CHD9: variants seen among roughly 807,000 people sequenced by gnomAD.
CHD9 encodes the protein ATP-dependent chromatin remodeler CHD9.
CHD9 carries 77 observed loss-of-function variants against 316.1 expected under a neutral mutation model. The observed-to-expected ratio is 0.24, with a 90% CI of 0.20 to 0.29. The LOEUF is 0.29. CHD9 is among the 10% of genes least tolerant of loss of function. The probability of loss-of-function intolerance (pLI) is 1.00; values close to 1 mark genes in which losing one functional copy is unlikely to be tolerated. For missense variants in CHD9, 2,763 were observed against 3,438.1 expected, an observed-to-expected ratio of 0.80 and a Z score of 4.91; for synonymous variants, 1,129 against 1,158.3, an observed-to-expected ratio of 0.97 and a Z score of 0.51.
Position 53,264,967 on chromosome 16 carries a change from G to T in CHD9, c.4320+1870G>T, listed in dbSNP as rs141093922. 4.7e-4 allele frequency among the ~76,000 whole-genome samples: 71 copies of T among 152,252 alleles called. No homozygotes were observed. In the East Asian group the frequency reaches 0.013, roughly 27 times the overall value. Reference sequence around the variant, plus strand: ...ATTATTTTAAGGCGTTAAGGATTTTGTAAATAAACTTATATAAGCATATAG... The same window carrying T: ...ATTATTTTAAGGCGTTAAGGATTTTTTAAATAAACTTATATAAGCATATAG... On this transcript the variant is annotated intron_variant, in intron 20 of 38. Coordinates refer to ENST00000447540, the MANE Select transcript of CHD9 (RefSeq NM_001308319.2).
chr16:53,171,929 A>G (rs775671829), intron 2 of CHD9, among the ~76,000 whole-genome samples: 15 of 151,326 alleles, frequency 9.9e-5, no homozygotes, highest in Non-Finnish European at 1.8e-4. Context: ...TCATCCCACC[A>G]ATTAGAAATA....
chr16:53,275,814 G>A (rs765249962), intron 24 of CHD9, among the ~76,000 whole-genome samples: 2 of 152,090 alleles, frequency 1.3e-5, no homozygotes, highest in Non-Finnish European at 2.9e-5. Context: ...ATTAAAGAAG[G>A]TTTATGGTGA....
intron 1 of CHD9, among the ~76,000 whole-genome samples, chr16:53,071,179 T>G (rs898309106): frequency 1.3e-5 from 2 of 152,202 alleles, no homozygotes; most frequent in South Asian, 2.1e-4. Flanking sequence ...TGTTTTGTAG[T>G]TTTTGGTGTA....
At chr16:53,163,402 G>T (rs2042056599) in intron 2 of CHD9, among the ~76,000 whole-genome samples, 1 of 152,050 alleles carries the variant, frequency 6.6e-6, no homozygotes, top group Non-Finnish European at 1.5e-5. Flanking sequence ...TAGAGACAAG[G>T]TTTCTCCATG....
At chr16:53,178,536 G>A (rs2043252663) in intron 2 of CHD9, among the ~76,000 whole-genome samples, 1 of 147,272 alleles carries the variant, frequency 6.8e-6, no homozygotes, top group Admixed American at 6.9e-5. Context: ...GGGTTCAAGT[G>A]ATCTTCCGTG....
chr16:53,197,159 A>G (rs1455387978), intron 2 of CHD9, among the ~76,000 whole-genome samples: 4 of 152,178 alleles, frequency 2.6e-5, no homozygotes, highest in Non-Finnish European at 2.9e-5. Flanking sequence ...AAGGTTATGG[A>G]ATTTGGCTAA....
chr16:53,078,492 A>C (rs906084842), intron 1 of CHD9, among the ~76,000 whole-genome samples: 2 of 152,244 alleles, frequency 1.3e-5, no homozygotes, highest in African/African-American at 4.8e-5. Context: ...CCCAGCCTCC[A>C]GAGCTATGAG....
intron 24 of CHD9, among the ~76,000 whole-genome samples, chr16:53,275,582 C>G (rs1221389560): frequency 6.6e-6 from 1 of 152,276 alleles, no homozygotes. Context: ...CATCTTGCCT[C>G]TTAATACTAC....
intron 29 of CHD9, among the ~76,000 whole-genome samples, chr16:53,295,865 A>G (rs939467271): frequency 5.3e-5 from 8 of 152,182 alleles, no homozygotes; most frequent in Non-Finnish European, 1.2e-4. Flanking sequence ...TTGCAGATCT[A>G]TGGTGCATGA....
Position 53,304,459 on chromosome 16 carries a change from A to G in CHD9, c.6453A>G (p.Ser2151=), listed in dbSNP as rs367586766. 12 of 1,572,572 alleles carry G rather than the reference A, an allele frequency of 7.6e-6. No individual in the cohort carries two copies. Among genetic ancestry groups the G allele is most frequent in the Non-Finnish European group, 1.0e-5 (12 of 1,159,118 alleles). Residue 2151 remains serine (S), a synonymous_variant, in exon 31 of 39, where the codon TCA becomes TCG. Transcript: ENST00000447540. ...SSCSSRSSSS[S]SSSSCSHSRS... ...GTTCTTCCAGATCATCTTCTTCCTC[A>G]TCATCCTCTTCTTGCTCCCACTCTC...
chr16:53,120,664 G>GTTTCCATCA (rs1205836868), intron 1 of CHD9, among the ~76,000 whole-genome samples: 11 of 151,946 alleles, frequency 7.2e-5, no homozygotes, highest in African/African-American at 2.7e-4. Flanking sequence ...CATGTTTACA[G>GTTTCCATCA]TTTCCATCAC....
chr16:53,216,987 C>A (rs1160539652), intron 3 of CHD9, among the ~76,000 whole-genome samples: 1 of 152,130 alleles, frequency 6.6e-6, no homozygotes, highest in African/African-American at 2.4e-5. Context: ...ATTATCAAAA[C>A]CAGGAAATAA....
chr16:53,230,520 C>T (rs976312571), intron 8 of CHD9, among the ~76,000 whole-genome samples: 1 of 152,148 alleles, frequency 6.6e-6, no homozygotes, highest in African/African-American at 2.4e-5. Context: ...GTCCTCTCAT[C>T]ACCTTAAATA....
At chr16:53,318,455 C>A in intron 37 of CHD9, 115 bp downstream of exon 37, 1 of 786,648 alleles carries the variant, frequency 1.3e-6, no homozygotes, top group Non-Finnish European at 1.9e-6. Flanking sequence ...TGAGTTGAAT[C>A]TATCAGATTT....
rs2052540137 is a variant in CHD9 at position 53,273,921 on chromosome 16, A to G, written c.4877+136A>G. 5 of 809,448 alleles carry G rather than the reference A, an allele frequency of 6.2e-6. No homozygotes were observed. In the South Asian group the frequency reaches 9.5e-5, roughly 15 times the overall value. The allele number at this position is 809,448 out of a possible 1,614,324, so 50.1% of individuals were successfully genotyped here. On this transcript the variant is annotated intron_variant, in intron 23 of 38. Transcript: ENST00000447540. ...AATCCTAATCCTAATTTTACAAGGT[A>G]TCCTACAAGCAAATCATGATACCTC... is the stretch of plus-strand genomic sequence containing the variant.
intron 26 of CHD9, among the ~76,000 whole-genome samples, chr16:53,287,219 C>A (rs756190082): frequency 7.2e-5 from 11 of 152,166 alleles, no homozygotes; most frequent in Non-Finnish European, 1.5e-4. Flanking sequence ...TCCACCTTAG[C>A]CTTGGCTTCC....
chr16:53,268,068 A>G lies in CHD9; in HGVS notation c.4659A>G (p.Ile1553Met). The change falls in exon 22 of 39, where the codon ATA (isoleucine) becomes ATG (methionine). Residue 1553 changes from isoleucine to methionine, a missense_variant. Ile to Met is a conservative substitution (Grantham distance 10). Coordinates refer to ENST00000447540, the MANE Select transcript of CHD9 (RefSeq NM_001308319.2). The part of the protein sequence containing the change: ...YRGDEKIKGF[I>M]WDLITPTEDG... The stretch of plus-strand genomic sequence containing the variant: ...GAGATGAGAAGATTAAAGGTTTCAT[A>G]TGGGATCTCATTACTCCAACTGAAG... 1 of 1,613,174 alleles carries G rather than the reference A, an allele frequency of 6.2e-7. No homozygotes were observed.
intron 1 of CHD9, among the ~76,000 whole-genome samples, chr16:53,106,412 A>G (rs1434216236): frequency 1.3e-5 from 2 of 152,220 alleles, no homozygotes; most frequent in African/African-American, 4.8e-5. Flanking sequence ...GCATAGTAAA[A>G]GGTATAAACA....
At chr16:53,241,375 G>C (rs1390388012) in intron 12 of CHD9, among the ~76,000 whole-genome samples, 5 of 152,070 alleles carry the variant, frequency 3.3e-5, no homozygotes, top group African/African-American at 1.2e-4. Context: ...AGACTCTTTT[G>C]TGTCTGCACT....
Sources: gnomAD v4.1 joint callset for allele counts (sites outside exome capture counted in the v4.1 genomes callset) on GRCh38, gnomAD v4.1.1 for gene constraint, MANE v1.5 for transcripts, NCBI Gene and HGNC (gene_info 2026-07-23, HGNC 2026-07-21) for gene names.